The following GGACT variants were observed in gnomAD, a reference collection of about 807,000 sequenced individuals.
GGACT encodes gamma-glutamylaminecyclotransferase.
For synonymous variants in GGACT, 118 were observed against 115.3 expected (o/e 1.02, Z -0.15); for missense variants, 241 against 233.2 (o/e 1.03, Z -0.22).
At chr13:100,552,925 G>A (rs1248102165) in intron 2 of GGACT, among the ~76,000 whole-genome samples, 7 of 151,958 alleles carry the variant, frequency 4.6e-5, no homozygotes, top group South Asian at 2.1e-4. Flanking sequence ...AGGAGAGGGC[G>A]ACCCAGGCAA....
chr13:100,554,423 CTTACA>C (rs1364346936), intron 2 of GGACT, among the ~76,000 whole-genome samples: 6 of 152,166 alleles, frequency 3.9e-5, no homozygotes. Context: ...GGTGATTTCC[CTTACA>C]TTAACGATTT....
chr13:100,560,169 G>T (rs55993297), intron 2 of GGACT, among the ~76,000 whole-genome samples: 2,709 of 152,142 alleles, frequency 0.018, 74 homozygotes, highest in African/African-American at 0.063. Flanking sequence ...TCTTGAATGC[G>T]GTCGTGATTA....
rs1566532494 is a variant in GGACT, at chr13:100,550,339, CACACACACA to C, written c.-10-17747_-10-17739del. On this transcript the variant is annotated intron_variant, in intron 2 of 2. Transcript: ENST00000683975. ...ACACACACACACACACACACACACA[CACACACACA>C]CACACACCACTGGCCCTTCTAAGGA... 3.2e-5 allele frequency among the ~76,000 whole-genome samples: 4 copies of C among 125,684 alleles called. 1 individual carries two copies. The highest frequency in any genetic ancestry group is 1.2e-4 in the African/African-American group (4 of 32,288). 82.5% of individuals were successfully genotyped at this position (125,684 alleles called of 152,430 possible). A position where few individuals can be genotyped will look rare whatever the true frequency, so the allele number is the denominator to read the frequency against.
intron 2 of GGACT, among the ~76,000 whole-genome samples, chr13:100,575,284 T>C (rs1447233663): frequency 1.3e-5 from 2 of 152,192 alleles, no homozygotes; most frequent in Non-Finnish European, 2.9e-5. Flanking sequence ...CCAGAGACTT[T>C]CCCAGTTTCA....
intron 2 of GGACT, among the ~76,000 whole-genome samples, chr13:100,556,725 C>T (rs1159028908): frequency 2.0e-5 from 3 of 151,974 alleles, no homozygotes; most frequent in South Asian, 2.1e-4. Context: ...CCATGATGTG[C>T]GTATTTCATA....
intron 2 of GGACT, chr13:100,536,444 A>G (rs369262182): frequency 2.1e-5 from 3 of 142,622 alleles, no homozygotes; most frequent in Non-Finnish European, 3.1e-5. Context: ...TTTATCTTGC[A>G]TTTCTTCTAT....
intron 1 of GGACT, among the ~76,000 whole-genome samples, chr13:100,585,329 C>G (rs1016225142): frequency 2.0e-5 from 3 of 152,192 alleles, no homozygotes; most frequent in Non-Finnish European, 4.4e-5. Context: ...CACAGCCATG[C>G]TTATCCATTT....
chr13:100,562,800 AAAAAAAAAG>A (rs1594192928), intron 2 of GGACT, among the ~76,000 whole-genome samples: 1 of 151,766 alleles, frequency 6.6e-6, no homozygotes, highest in South Asian at 2.1e-4. Context: ...TGTCTCAAAA[AAAAAAAAAG>A]AAAAAAAAGA....
At chr13:100,543,201 T>G (rs1261355795) in intron 2 of GGACT, among the ~76,000 whole-genome samples, 2 of 106,722 alleles carry the variant, frequency 1.9e-5, no homozygotes, top group Non-Finnish European at 3.6e-5. Context: ...CACCAGCTTT[T>G]TTTTTTTTTT....
intron 2 of GGACT, chr13:100,539,809 C>A: frequency 1.5e-6 from 1 of 648,218 alleles, no homozygotes; most frequent in African/African-American, 2.3e-5. Flanking sequence ...GCCATCTGGT[C>A]CTGGGCTTTT....
chr13:100,532,646 C>CT, intron 2 of GGACT, 45 bp from the exon 3 acceptor site: 1 of 1,441,106 alleles, frequency 6.9e-7, no homozygotes, highest in Admixed American at 2.2e-5. Flanking sequence ...AGTGGGAGCT[C>CT]TGTGTCTGCA....
rs1406068393 is a variant in GGACT at position 100,553,813 on chromosome 13, C to T, written c.-10-21212G>A. The stretch of plus-strand genomic sequence containing the variant: ...GAGCCAAGATCGCGCCACTGCACTC[C>T]AGCGGGGGTGACGAAGCGAGACTCC... On this transcript the variant is annotated intron_variant, in intron 2 of 2. Coordinates refer to ENST00000683975, the MANE Select transcript of GGACT (RefSeq NM_001195087.2). Among the ~76,000 whole-genome samples the T allele has an allele frequency of 2.9e-5, 4 of 138,096 alleles. No individual in the cohort carries two copies. The East Asian group carries it at 8.6e-4, about 30-fold the overall frequency. 90.6% of individuals were successfully genotyped at this position (138,096 alleles called of 152,430 possible).
chr13:100,546,774 G>A (rs1211755908), intron 2 of GGACT, among the ~76,000 whole-genome samples: 2 of 152,254 alleles, frequency 1.3e-5, no homozygotes, highest in Admixed American at 6.5e-5. Context: ...CGAGTCAGCA[G>A]AGGAAAGGGC....
intron 2 of GGACT, among the ~76,000 whole-genome samples, chr13:100,543,193 C>G (rs2088570155): frequency 8.5e-6 from 1 of 118,328 alleles, no homozygotes; most frequent in South Asian, 3.0e-4. Context: ...TAAAAAGACA[C>G]CAGCTTTTTT....
At chr13:100,558,828 G>A (rs757314448) in intron 2 of GGACT, among the ~76,000 whole-genome samples, 1 of 152,294 alleles carries the variant, frequency 6.6e-6, no homozygotes, top group South Asian at 2.1e-4. Context: ...GGCTGAGGTA[G>A]CTAGGGGGAG....
intron 2 of GGACT, among the ~76,000 whole-genome samples, chr13:100,575,226 T>A (rs889673316): frequency 8.5e-5 from 13 of 152,166 alleles, no homozygotes; most frequent in African/African-American, 2.9e-4. Context: ...AGTTAACGGG[T>A]GAGGTTTGAA....
At position 100,530,738 on chromosome 13, in the gene GGACT, T is replaced by A. The variant is rs575974758; in HGVS notation, c.*1392A>T. The A allele has an allele frequency of 5.5e-6, 1 of 180,670 alleles. No homozygotes were observed. The highest frequency in any genetic ancestry group is 2.4e-5 in the African/African-American group (1 of 41,880). The allele number at this position is 180,670 out of a possible 1,614,324, so 11.2% of individuals were successfully genotyped here. On this transcript the variant is annotated 3_prime_UTR_variant, in exon 3 of 3. Transcript: ENST00000683975. ...TCTATGTGGGTGTACTGTTGGTGGC[T>A]GACTCCCCTGGAGGTCACCCTGAAG...
intron 2 of GGACT, among the ~76,000 whole-genome samples, chr13:100,568,744 G>T (rs917264191): frequency 6.6e-6 from 1 of 152,174 alleles, no homozygotes; most frequent in Non-Finnish European, 1.5e-5. Flanking sequence ...GAAGTCCAAA[G>T]TCTCATCTGA....
intron 2 of GGACT, among the ~76,000 whole-genome samples, chr13:100,569,369 C>A (rs910378970): frequency 2.0e-5 from 3 of 152,228 alleles, no homozygotes; most frequent in African/African-American, 7.2e-5. Flanking sequence ...CGCTATGTAC[C>A]CACAGGCCCA....
Sources: gnomAD v4.1 joint callset for allele counts (sites outside exome capture counted in the v4.1 genomes callset) on GRCh38, gnomAD v4.1.1 for gene constraint, MANE v1.5 for transcripts, NCBI Gene and HGNC (gene_info 2026-07-23, HGNC 2026-07-21) for gene names.